The following AKT3 variants were observed in gnomAD, a reference collection of about 807,000 sequenced individuals.
AKT3 encodes the protein AKT serine/threonine kinase 3.
In AKT3, 15 loss-of-function variants were observed where a neutral mutation model predicts 65.3. The observed-to-expected ratio is 0.23, with a 90% CI of 0.15 to 0.35. AKT3 has a LOEUF of 0.35. Among genes scored for constraint, AKT3 ranks in the 10% least tolerant of loss-of-function variants. The probability of loss-of-function intolerance (pLI) is 1.00; values close to 1 mark genes in which losing one functional copy is unlikely to be tolerated. For missense variants in AKT3, 243 were observed against 576.5 expected (o/e 0.42, Z 5.92); for synonymous variants, 206 against 183.8 (o/e 1.12, Z -0.98).
chr1:243,735,588 A>G (rs2148158653), intron 2 of AKT3: 1 of 152,334 alleles, frequency 6.6e-6, no homozygotes, highest in South Asian at 2.1e-4. Context: ...CATTTTTATT[A>G]GAGACTACTG....
Position 243,500,261 on chromosome 1 carries a change from C to T in AKT3, c.*4988G>A. ...CATCCTTCACCTTTAATCAATGTCC[C>T]ATCAGACTCCATTTTATTTATTTAT... On this transcript the variant is annotated 3_prime_UTR_variant, in exon 14 of 14. Coordinates refer to ENST00000673466, the MANE Select transcript of AKT3 (RefSeq NM_005465.7). The T allele has an allele frequency of 4.3e-6, 1 of 232,306 alleles. No individual in the cohort carries two copies. Among genetic ancestry groups the T allele is most frequent in the Non-Finnish European group, 8.5e-6 (1 of 117,588 alleles). 14.4% of individuals were successfully genotyped at this position (232,306 alleles called of 1,614,324 possible).
intron 4 of AKT3, among the ~76,000 whole-genome samples, chr1:243,660,882 T>C (rs1682258963): frequency 6.6e-6 from 1 of 152,160 alleles, no homozygotes; most frequent in South Asian, 2.1e-4. Context: ...ACAAAATCAA[T>C]GTACAGAAAT....
intron 2 of AKT3, among the ~76,000 whole-genome samples, chr1:243,792,144 G>C (rs1691669545): frequency 1.5e-5 from 1 of 65,096 alleles, no homozygotes; most frequent in Admixed American, 1.9e-4. Context: ...CACTGTTCTT[G>C]CACAAACAAT....
At chr1:243,700,884 T>TAA in intron 2 of AKT3, among the ~76,000 whole-genome samples, 1 of 152,166 alleles carries the variant, frequency 6.6e-6, no homozygotes, top group East Asian at 1.9e-4. Context: ...AAGATCTGGA[T>TAA]AGGATATTCA....
intron 2 of AKT3, among the ~76,000 whole-genome samples, chr1:243,830,201 T>C (rs1373858909): frequency 6.6e-6 from 1 of 152,204 alleles, no homozygotes; most frequent in Admixed American, 6.5e-5. Context: ...ATAGAATCTT[T>C]ACATGGCATT....
intron 2 of AKT3, among the ~76,000 whole-genome samples, chr1:243,785,547 G>A (rs746015657): frequency 1.7e-4 from 26 of 152,046 alleles, no homozygotes; most frequent in Non-Finnish European, 3.1e-4. Context: ...TACTGAATTT[G>A]TGAAAACCTC....
intron 4 of AKT3, among the ~76,000 whole-genome samples, chr1:243,659,851 A>G (rs2147898975): frequency 6.6e-6 from 1 of 152,334 alleles, no homozygotes; most frequent in Non-Finnish European, 1.5e-5. Flanking sequence ...CTTCAATGAT[A>G]TTACACTAAA....
At chr1:243,820,322 C>G (rs921649324) in intron 2 of AKT3, among the ~76,000 whole-genome samples, 11 of 152,162 alleles carry the variant, frequency 7.2e-5, no homozygotes, top group Admixed American at 5.9e-4. Context: ...AAGATCGAAG[C>G]TGGATAAACC....
At chr1:243,831,665 A>C (rs1214897457) in intron 2 of AKT3, among the ~76,000 whole-genome samples, 1 of 152,150 alleles carries the variant, frequency 6.6e-6, no homozygotes, top group Non-Finnish European at 1.5e-5. Flanking sequence ...CAAGAGGTAC[A>C]GCTTCTCTGC....
chr1:243,596,847 T>C (rs1676651495), intron 8 of AKT3, among the ~76,000 whole-genome samples: 1 of 152,116 alleles, frequency 6.6e-6, no homozygotes, highest in Non-Finnish European at 1.5e-5. Context: ...GTGCAAAGGA[T>C]AATGACTTCA....
chr1:243,796,367 C>T (rs1220211120), intron 2 of AKT3, among the ~76,000 whole-genome samples: 1 of 152,322 alleles, frequency 6.6e-6, no homozygotes, highest in East Asian at 1.9e-4. Context: ...AAAGTCCGAT[C>T]ACAGACTTGC....
At chr1:243,767,214 T>C (rs759925582) in intron 2 of AKT3, among the ~76,000 whole-genome samples, 16 of 152,120 alleles carry the variant, frequency 1.1e-4, no homozygotes, top group South Asian at 4.2e-4. Flanking sequence ...AATGCAGCAA[T>C]GAAACAGGAA....
At position 243,756,937 on chromosome 1, in the gene AKT3, A is replaced by C. The variant is rs116008264; in HGVS notation, c.47-61221T>G. ...CATCACTTTTGTGACATTGCTGCCA[A>C]AAATGTATAACCTACATCTAATCAG... On this transcript the variant is annotated intron_variant, in intron 2 of 13. Transcript: ENST00000673466. 5.1e-3 allele frequency among the ~76,000 whole-genome samples: 783 copies of C among 152,344 alleles called. 9 individuals carry two copies. Among genetic ancestry groups the C allele is most frequent in the African/African-American group, 0.018 (743 of 41,572 alleles).
Position 243,589,306 on chromosome 1 carries a change from C to CAAA in AKT3, c.697-16261_697-16259dup, listed in dbSNP as rs758254217. On this transcript the variant is annotated intron_variant, in intron 8 of 13. Coordinates refer to ENST00000673466, the MANE Select transcript of AKT3 (RefSeq NM_005465.7). Reference sequence around the variant, plus strand: ...AGGCAACACGAGCAAAACTCCATCTCAAAAAAAAAAAAAAAAAAGAAAAAA... The same window carrying CAAA: ...AGGCAACACGAGCAAAACTCCATCTCAAAAAAAAAAAAAAAAAAAAAGAAAAAA... 9.5e-3 allele frequency among the ~76,000 whole-genome samples: 387 copies of CAAA among 40,820 alleles called. 4 individuals are homozygous for CAAA. Among genetic ancestry groups the CAAA allele is most frequent in the African/African-American group, 0.031 (330 of 10,500 alleles). 26.8% of individuals were successfully genotyped at this position (40,820 alleles called of 152,430 possible).
rs78182821 is a variant in AKT3 at position 243,751,349 on chromosome 1, C to T, written c.47-55633G>A. On this transcript the variant is annotated intron_variant, in intron 2 of 13. Transcript: ENST00000673466. ...CCAAGGCAATGATAAATGAAGCAGA[C>T]ATTCATGCCAAACGCTTGGATTTAG... 8.3e-3 allele frequency among the ~76,000 whole-genome samples: 1,262 copies of T among 152,318 alleles called. 15 individuals are homozygous for T. The highest frequency in any genetic ancestry group is 0.029 in the African/African-American group (1,214 of 41,558).
At chr1:243,544,704 TG>T (rs765220545) in intron 12 of AKT3, among the ~76,000 whole-genome samples, 23 of 84,714 alleles carry the variant, frequency 2.7e-4, no homozygotes, top group Non-Finnish European at 5.7e-4. Flanking sequence ...TTTTGTTTTT[TG>T]TTTTTTTTTT....
intron 12 of AKT3, among the ~76,000 whole-genome samples, chr1:243,539,742 TAAG>T (rs1216614268): frequency 1.3e-5 from 2 of 152,134 alleles, no homozygotes; most frequent in Non-Finnish European, 2.9e-5. Context: ...AAATAACCCT[TAAG>T]AAGGAATCAC....
At chr1:243,718,980 GGGGATAATTCCCTTA>G (rs1053568630) in intron 2 of AKT3, among the ~76,000 whole-genome samples, 15 of 152,034 alleles carry the variant, frequency 9.9e-5, no homozygotes, top group African/African-American at 3.1e-4. Flanking sequence ...CATTCCCTAA[GGGGATAATTCCCTTA>G]GGGATAATTC....
chr1:243,799,467 C>T (rs1189419327), intron 2 of AKT3, among the ~76,000 whole-genome samples: 1 of 152,256 alleles, frequency 6.6e-6, no homozygotes, highest in Admixed American at 6.5e-5. Flanking sequence ...CAGTTGCTGA[C>T]TCATTAAGCA....
Sources: allele counts gnomAD v4.1 joint callset (sites outside exome capture counted in the v4.1 genomes callset), GRCh38; gene constraint gnomAD v4.1.1; transcripts MANE v1.5; gene names NCBI Gene and HGNC (gene_info 2026-07-23, HGNC 2026-07-21).